Variants in SPATA16 observed in about 807,000 individuals in gnomAD.
SPATA16 encodes the protein spermatogenesis-associated protein 16.
Under a neutral mutation model 63.3 loss-of-function variants are expected in SPATA16, and 36 were observed. The ratio of observed to expected loss-of-function variants is 0.57; its 90% CI spans 0.44 to 0.75. SPATA16 has a LOEUF of 0.75. Among genes scored for constraint, SPATA16 ranks in the 30% least tolerant of loss-of-function variants. SPATA16 has a pLI of 0.00. For synonymous variants in SPATA16, 203 were observed against 216.7 expected (o/e 0.94, Z 0.56); for missense variants, 646 against 679.3 (o/e 0.95, Z 0.54).
At chr3:173,046,109 T>C (rs1419694437) in intron 3 of SPATA16, among the ~76,000 whole-genome samples, 2 of 152,046 alleles carry the variant, frequency 1.3e-5, no homozygotes, top group Admixed American at 1.3e-4. Flanking sequence ...AAAAGAATCA[T>C]AGCAGGATTT....
At chr3:172,924,819 T>G (rs1732691328) in intron 7 of SPATA16, among the ~76,000 whole-genome samples, 1 of 152,194 alleles carries the variant, frequency 6.6e-6, no homozygotes, top group Non-Finnish European at 1.5e-5. Flanking sequence ...ATTCAGCCCA[T>G]AAGTTTGAGA....
chr3:172,984,129 A>G (rs961151363), intron 4 of SPATA16, among the ~76,000 whole-genome samples: 2 of 152,200 alleles, frequency 1.3e-5, no homozygotes, highest in Non-Finnish European at 2.9e-5. Flanking sequence ...ATGAATTAAA[A>G]TTAAAATTTT....
intron 4 of SPATA16, among the ~76,000 whole-genome samples, chr3:173,015,724 A>C (rs1352724112): frequency 6.6e-6 from 1 of 152,236 alleles, no homozygotes. Flanking sequence ...TGTGCTAGTC[A>C]TGGAGCACAA....
At chr3:172,987,094 A>C (rs1349657523) in intron 4 of SPATA16, among the ~76,000 whole-genome samples, 1 of 152,176 alleles carries the variant, frequency 6.6e-6, no homozygotes, top group Non-Finnish European at 1.5e-5. Flanking sequence ...AGTCCTATTA[A>C]TCTTTTGAGG....
intron 4 of SPATA16, among the ~76,000 whole-genome samples, chr3:172,978,444 AAAAG>A (rs1450363964): frequency 3.9e-5 from 6 of 152,176 alleles, no homozygotes; most frequent in African/African-American, 1.4e-4. Flanking sequence ...TAACAACCTA[AAAAG>A]AAAGTTTACT....
intron 1 of SPATA16, among the ~76,000 whole-genome samples, chr3:173,118,039 A>T (rs1284023634): frequency 6.6e-6 from 1 of 152,204 alleles, no homozygotes; most frequent in Non-Finnish European, 1.5e-5. Context: ...GGGTATCCAA[A>T]CTCATTGAAT....
At chr3:173,034,374 G>T (rs1735669765) in intron 3 of SPATA16, among the ~76,000 whole-genome samples, 1 of 152,012 alleles carries the variant, frequency 6.6e-6, no homozygotes, top group African/African-American at 2.4e-5. Flanking sequence ...AAATTAGAGG[G>T]ATTTTTGATG....
chr3:173,089,678 T>G (rs73045002), intron 2 of SPATA16, among the ~76,000 whole-genome samples: 5,251 of 152,208 alleles, frequency 0.034, 294 homozygotes, highest in African/African-American at 0.12. Context: ...CCTTGTAAGG[T>G]GTTTCTTATG....
chr3:172,915,884 A>G (rs1732472376), intron 9 of SPATA16, among the ~76,000 whole-genome samples: 2 of 152,174 alleles, frequency 1.3e-5, no homozygotes, highest in South Asian at 4.1e-4. Flanking sequence ...TTAACCCTAG[A>G]AGTGATTAAG....
At chr3:173,060,795 C>T (rs1261201138) in intron 2 of SPATA16, among the ~76,000 whole-genome samples, 4 of 152,180 alleles carry the variant, frequency 2.6e-5, no homozygotes, top group Admixed American at 1.3e-4. Flanking sequence ...AATCTTACTA[C>T]GTAGCACCTC....
intron 2 of SPATA16, among the ~76,000 whole-genome samples, chr3:173,067,459 G>A (rs1736548862): frequency 6.6e-6 from 1 of 152,162 alleles, no homozygotes; most frequent in African/African-American, 2.4e-5. Flanking sequence ...AGAATGGGAG[G>A]AGGGTAAGGA....
intron 2 of SPATA16, among the ~76,000 whole-genome samples, chr3:173,067,611 AAG>A (rs1736553344): frequency 6.6e-6 from 1 of 152,162 alleles, no homozygotes; most frequent in Non-Finnish European, 1.5e-5. Flanking sequence ...TGGGAAAAAA[AAG>A]AAAAAAAGAA....
At chr3:173,050,502 G>A (rs1254691731) in intron 2 of SPATA16, among the ~76,000 whole-genome samples, 1 of 151,898 alleles carries the variant, frequency 6.6e-6, no homozygotes, top group Non-Finnish European at 1.5e-5. Context: ...AATTGATTAG[G>A]ATTTTTTCAT....
intron 10 of SPATA16, among the ~76,000 whole-genome samples, chr3:172,905,783 T>C (rs1329652697): frequency 2.6e-5 from 4 of 152,224 alleles, no homozygotes; most frequent in Admixed American, 2.6e-4. Context: ...TATACTCTAT[T>C]TGTTGGATTC....
intron 3 of SPATA16, among the ~76,000 whole-genome samples, chr3:173,038,298 A>C (rs1222338861): frequency 1.3e-5 from 2 of 152,092 alleles, no homozygotes; most frequent in Non-Finnish European, 2.9e-5. Context: ...AGAAAAGACC[A>C]TTAGGGCAAC....
rs147263269 is a variant in SPATA16 at position 173,007,429 on chromosome 3, G to T, written c.848+12057C>A. ...CTGTCAGAGGCCAAGAGTGAGAGAG[G>T]TGAAGCTGAGAATGAGCTCTGAGGG... On this transcript the variant is annotated intron_variant, in intron 4 of 10. Transcript: ENST00000351008. 9.0e-3 allele frequency among the ~76,000 whole-genome samples: 1,367 copies of T among 152,156 alleles called. 25 individuals carry two copies. The highest frequency in any genetic ancestry group is 0.029 in the African/African-American group (1,211 of 41,486).
At chr3:172,968,519 G>A (rs1733970659) in intron 5 of SPATA16, among the ~76,000 whole-genome samples, 1 of 152,178 alleles carries the variant, frequency 6.6e-6, no homozygotes, top group South Asian at 2.1e-4. Flanking sequence ...CTACTTGACA[G>A]TCCGTCTAAA....
intron 2 of SPATA16, among the ~76,000 whole-genome samples, chr3:173,057,620 A>G (rs1736268015): frequency 6.6e-6 from 1 of 152,172 alleles, no homozygotes; most frequent in Non-Finnish European, 1.5e-5. Context: ...AAATTTAAAT[A>G]CTGCTAACTT....
chr3:173,134,516 G>A lies in SPATA16; in HGVS notation c.-19+6587C>T, dbSNP rs781463837. On this transcript the variant is annotated intron_variant, in intron 1 of 10. Coordinates refer to ENST00000351008, the MANE Select transcript of SPATA16 (RefSeq NM_031955.6). The stretch of plus-strand genomic sequence containing the variant: ...AAAAGAAAAAAAAAAGTAAGCCATT[G>A]TAAAGCAAGGCTGCCTCGCATGTTT... 9.1e-4 allele frequency among the ~76,000 whole-genome samples: 138 copies of A among 151,936 alleles called. 1 individual carries two copies. In the Middle Eastern group the frequency reaches 0.041, roughly 45 times the overall value.
Sources: gnomAD v4.1 joint callset for allele counts (sites outside exome capture counted in the v4.1 genomes callset) on GRCh38, gnomAD v4.1.1 for gene constraint, MANE v1.5 for transcripts, NCBI Gene and HGNC (gene_info 2026-07-23, HGNC 2026-07-21) for gene names.